BCAR1: variants seen among roughly 807,000 people sequenced by gnomAD.
The protein encoded by BCAR1 is BCAR1 scaffold protein, Cas family member.
A neutral mutation model predicts 67.6 loss-of-function variants in BCAR1; 30 were observed. The observed-to-expected ratio is 0.44, with a 90% CI of 0.33 to 0.60. The LOEUF is 0.60. Among genes scored for constraint, BCAR1 ranks in the 20% least tolerant of loss-of-function variants. The pLI is 0.02. For synonymous variants in BCAR1, 626 were observed against 556.7 expected (o/e 1.12, Z -1.75); for missense variants, 1,313 against 1,222.3 (o/e 1.07, Z -1.11).
rs16957559 is a variant in BCAR1, at chr16:75,235,480, G to C, written c.1419C>G (p.Thr473=). 2.5e-6 allele frequency: 4 copies of C among 1,603,776 alleles called. No individual in the cohort carries two copies. The South Asian group carries it at 4.4e-5, about 18-fold the overall frequency. Reference sequence around the variant, plus strand: ...CTGCCAGGTCCAGAAGGTGGGCAACGGTGGCGCTCACACCCTGCTGCAGCC... The same window carrying C: ...CTGCCAGGTCCAGAAGGTGGGCAACCGTGGCGCTCACACCCTGCTGCAGCC... The part of the protein sequence containing the change: ...LARLQQGVSA[T]VAHLLDLAGS... The change falls in exon 5 of 7, where the codon ACC becomes ACG. Residue 473 remains threonine (T), a synonymous_variant. Transcript: ENST00000162330.
rs760845047 is a variant in BCAR1, at chr16:75,235,763, C to T, written c.1136G>A (p.Arg379Gln). The T allele has an allele frequency of 9.4e-6, 15 of 1,593,172 alleles. No homozygotes were observed. The highest frequency in any genetic ancestry group is 1.7e-4 in the Middle Eastern group (1 of 5,954). The change falls in exon 5 of 7, where the codon CGG becomes CAG. Residue 379 changes from arginine to glutamine, a missense_variant. Around this residue, in one of 2 missense-constraint regions of BCAR1, gnomAD observed 1,272 missense variants for 1,137.5 expected, o/e 1.12. Coordinates refer to ENST00000162330, the MANE Select transcript of BCAR1 (RefSeq NM_014567.5). ...PDLYDVPPGL[R>Q]RPGPGTLYDV... ...GTACAGGGTGCCCGGGCCAGGCCGCCGCAAGCCAGGGGGCACGTCGTAGAG... is the reference window on the plus strand; with the variant it reads ...GTACAGGGTGCCCGGGCCAGGCCGCTGCAAGCCAGGGGGCACGTCGTAGAG...
intron 1 of BCAR1, chr16:75,250,643 A>T (rs761142398): frequency 8.1e-6 from 8 of 985,306 alleles, no homozygotes; most frequent in Non-Finnish European, 9.6e-6. Context: ...CCCCTAGGCA[A>T]ATCTCCGCTT....
intron 2 of BCAR1, among the ~76,000 whole-genome samples, chr16:75,241,011 G>A (rs2077320660): frequency 1.3e-5 from 2 of 152,292 alleles, no homozygotes; most frequent in Non-Finnish European, 2.9e-5. Flanking sequence ...AAAGGCGGGA[G>A]AGGAGGGGTG....
intron 5 of BCAR1, 138 bp from the exon 6 acceptor site, chr16:75,234,073 G>A (rs1161491952): frequency 9.9e-6 from 7 of 707,726 alleles, no homozygotes; most frequent in Non-Finnish European, 1.7e-5. Flanking sequence ...ACACGTGGAC[G>A]CACACACACA....
intron 1 of BCAR1, chr16:75,265,725 G>T (rs2077995063): frequency 8.5e-7 from 1 of 1,174,306 alleles, no homozygotes; most frequent in African/African-American, 1.6e-5. Flanking sequence ...GCGACCCCCA[G>T]TCCGGGAGCC....
chr16:75,237,337 A>T lies in BCAR1; in HGVS notation c.641T>A (p.Val214Glu), dbSNP rs777875384. 6.8e-7 allele frequency: 1 copy of T among 1,463,400 alleles called. No homozygotes were observed. The highest frequency in any genetic ancestry group is 2.9e-5 in the Admixed American group (1 of 34,982). The allele number at this position is 1,463,400 out of a possible 1,614,324, so 90.7% of individuals were successfully genotyped here. ...EGTKPPAKVV[V>E]PTRVGQGYVY... ...ATAGCCCTGCCCCACGCGGGTGGGC[A>T]CCACCACCTGGGGGCAGAGAGCCGA... The change falls in exon 3 of 7, where the codon GTG becomes GAG. Residue 214 changes from valine (V) to glutamate (E), a missense_variant. By Grantham distance (121) the Val-to-Glu change is moderately radical. Transcript: ENST00000162330.
At chr16:75,258,382 T>C (rs891645522) in intron 1 of BCAR1, among the ~76,000 whole-genome samples, 2 of 152,194 alleles carry the variant, frequency 1.3e-5, no homozygotes, top group African/African-American at 4.8e-5. Context: ...CTGAGGCAAG[T>C]AGGAAGTGGC....
chr16:75,257,029 G>A (rs1236346253), intron 1 of BCAR1, among the ~76,000 whole-genome samples: 2 of 152,186 alleles, frequency 1.3e-5, no homozygotes, highest in African/African-American at 2.4e-5. Flanking sequence ...GGGGAAGAGA[G>A]GGGCTCAGTC....
At chr16:75,261,270 C>T (rs1356539835) in intron 1 of BCAR1, among the ~76,000 whole-genome samples, 4 of 152,240 alleles carry the variant, frequency 2.6e-5, no homozygotes, top group Non-Finnish European at 4.4e-5. Flanking sequence ...AAGCCAAGGC[C>T]AAGGCCAGGG....
intron 1 of BCAR1, chr16:75,247,476 G>A (rs1211569195): frequency 6.5e-6 from 1 of 153,936 alleles, no homozygotes; most frequent in African/African-American, 2.4e-5. Context: ...TGGGACCAGG[G>A]CTGCGGGTGA....
chr16:75,237,200 T>C lies in BCAR1; in HGVS notation c.778A>G (p.Ser260Gly), dbSNP rs370663109. The change falls in exon 3 of 7, where the codon AGC becomes GGC. Residue 260 changes from serine (S) to glycine (G), a missense_variant. Physicochemically the swap from Ser to Gly is moderately conservative, Grantham distance 56 (BLOSUM62 0). This residue lies in a region of BCAR1 where 1,272 missense variants were observed against 1,137.5 expected (regional missense o/e 1.12). Transcript: ENST00000162330. ...DVPPVRGLLPSQYGQEVYDTP... is the reference protein window; with the variant it reads ...DVPPVRGLLPGQYGQEVYDTP... ...ACACCTACCTCCTGGCCATACTGGC[T>C]GGGAAGCAGCCCCCGAACCGGGGGC... 1.3e-4 allele frequency: 208 copies of C among 1,572,358 alleles called. No individual in the cohort carries two copies. Among genetic ancestry groups the C allele is most frequent in the Non-Finnish European group, 1.8e-4 (204 of 1,161,712 alleles).
At chr16:75,256,761 C>T (rs1486279750) in intron 1 of BCAR1, among the ~76,000 whole-genome samples, 1 of 152,074 alleles carries the variant, frequency 6.6e-6, no homozygotes, top group Non-Finnish European at 1.5e-5. Context: ...CGTTCAGAGG[C>T]TCTCCGCCCA....
Position 75,228,905 on chromosome 16 carries a change from C to G in BCAR1, c.*606G>C, listed in dbSNP as rs1442972658. The stretch of plus-strand genomic sequence containing the variant: ...CCCAGCCTCGGCGTTCCTTGGTTTT[C>G]TTCTAGAGAGACCCACTCCTCCTCT... On this transcript the variant is annotated 3_prime_UTR_variant, in exon 7 of 7. Coordinates refer to ENST00000162330, the MANE Select transcript of BCAR1 (RefSeq NM_014567.5). 6.6e-6 allele frequency: 1 copy of G among 152,508 alleles called. No homozygotes were observed. Among genetic ancestry groups the G allele is most frequent in the Non-Finnish European group, 1.5e-5 (1 of 68,258 alleles). 9.4% of individuals were successfully genotyped at this position (152,508 alleles called of 1,614,324 possible).
rs577727516 is a variant in BCAR1, at chr16:75,267,350, T to C, written c.66+565A>G. On this transcript the variant is annotated intron_variant, in intron 1 of 6. Transcript: ENST00000393422. ...CACATCAGCGTCCGCAGCCCAGTGC[T>C]CAGCAAGGCATTGTTGGAGGGGCCA... Among the ~76,000 whole-genome samples the C allele has an allele frequency of 2.2e-5, 3 of 139,188 alleles. No homozygotes were observed. In the East Asian group the frequency reaches 6.4e-4, roughly 30 times the overall value. The allele number at this position is 139,188 out of a possible 152,430, so 91.3% of individuals were successfully genotyped here.
upstream of BCAR1, among the ~76,000 whole-genome samples, chr16:75,256,523 GT>G (rs1279563669): frequency 3.2e-4 from 48 of 150,012 alleles, no homozygotes; most frequent in East Asian, 6.4e-3. Context: ...ATGGGGGGGG[GT>G]GGGGCCTCCC....
At chr16:75,262,683 A>C (rs1434213047) in intron 1 of BCAR1, among the ~76,000 whole-genome samples, 1 of 152,006 alleles carries the variant, frequency 6.6e-6, no homozygotes, top group Non-Finnish European at 1.5e-5. Context: ...TCCCCCACTC[A>C]CACCACTGCC....
chr16:75,250,944 C>G (rs977414499), intron 1 of BCAR1: 6 of 985,390 alleles, frequency 6.1e-6, no homozygotes, highest in Non-Finnish European at 7.2e-6. Context: ...CGGAGTGAAT[C>G]ATTAACTGGA....
intron 1 of BCAR1, chr16:75,243,370 G>T: frequency 1.6e-6 from 1 of 628,992 alleles, no homozygotes; most frequent in Non-Finnish European, 2.9e-6. Context: ...TGACCCTCAA[G>T]ATATCCCTAA....
At chr16:75,248,507 G>C (rs2077588053) in intron 1 of BCAR1, 1 of 277,608 alleles carries the variant, frequency 3.6e-6, no homozygotes, top group African/African-American at 2.2e-5. Flanking sequence ...CTTGGTCCTG[G>C]CCTCAGGCTC....
Sources: allele counts gnomAD v4.1 joint callset (sites outside exome capture counted in the v4.1 genomes callset), GRCh38; gene constraint gnomAD v4.1.1; regional missense constraint gnomAD v4.1.1; transcripts MANE v1.5; gene names NCBI Gene and HGNC (gene_info 2026-07-23, HGNC 2026-07-21).